Variants in NRP1 observed in about 807,000 individuals in gnomAD.
The protein encoded by NRP1 is neuropilin 1.
NRP1 carries 35 observed loss-of-function variants against 106.7 expected under a neutral mutation model. That is an observed-to-expected ratio of 0.33 (90% CI 0.25 to 0.43). The LOEUF is 0.43. Among genes scored for constraint, NRP1 ranks in the 20% least tolerant of loss-of-function variants. NRP1 has a pLI of 1.00. For synonymous variants in NRP1, 437 were observed against 417.9 expected (o/e 1.05, Z -0.56); for missense variants, 1,024 against 1,170.4 (o/e 0.87, Z 1.83).
At chr10:33,304,144 G>T (rs576969748) in intron 2 of NRP1, among the ~76,000 whole-genome samples, 146 of 152,332 alleles carry the variant, frequency 9.6e-4, no homozygotes, top group South Asian at 4.3e-3. Flanking sequence ...AGGCCAAATA[G>T]TTGAAAATAA....
intron 6 of NRP1, among the ~76,000 whole-genome samples, chr10:33,243,495 A>G (rs1230187323): frequency 2.0e-5 from 3 of 152,360 alleles, no homozygotes; most frequent in South Asian, 4.1e-4. Context: ...AGAATAAAGG[A>G]GCTTATTTAT....
At chr10:33,249,940 A>C (rs1443387956) in intron 6 of NRP1, among the ~76,000 whole-genome samples, 1 of 152,056 alleles carries the variant, frequency 6.6e-6, no homozygotes, top group Non-Finnish European at 1.5e-5. Flanking sequence ...TAGGGAAAAC[A>C]ATGGGAACCG....
At chr10:33,307,641 A>G (rs1366380167) in intron 2 of NRP1, among the ~76,000 whole-genome samples, 1 of 152,216 alleles carries the variant, frequency 6.6e-6, no homozygotes, top group Non-Finnish European at 1.5e-5. Context: ...CCACACTTCT[A>G]GAAATCTCTT....
Position 33,234,606 on chromosome 10 carries a change from G to A in NRP1, c.982-8317C>T, listed in dbSNP as rs552653539. On this transcript the variant is annotated intron_variant, in intron 6 of 16. Transcript: ENST00000374867. ...TGTCGAAAAACAAAATGGTAGCAAC[G>A]AAACATTTTGAGCAAAGGATAACAA... Among the ~76,000 whole-genome samples, 9 of 152,164 alleles carry A rather than the reference G, an allele frequency of 5.9e-5. No individual in the cohort carries two copies. The East Asian group carries it at 9.6e-4, about 16-fold the overall frequency.
At chr10:33,269,207 C>A (rs1358530215) in intron 3 of NRP1, among the ~76,000 whole-genome samples, 2 of 152,190 alleles carry the variant, frequency 1.3e-5, no homozygotes, top group Non-Finnish European at 2.9e-5. Context: ...ATTTCACACA[C>A]AAAAGGAATT....
chr10:33,309,064 A>G (rs1461505377), intron 2 of NRP1, among the ~76,000 whole-genome samples: 2 of 152,208 alleles, frequency 1.3e-5, no homozygotes, highest in Non-Finnish European at 2.9e-5. Context: ...ATAAAAATTA[A>G]ATATTTTCTA....
At chr10:33,245,840 T>G (rs1490345300) in intron 6 of NRP1, among the ~76,000 whole-genome samples, 1 of 152,226 alleles carries the variant, frequency 6.6e-6, no homozygotes, top group Non-Finnish European at 1.5e-5. Context: ...TTGTTTCAAA[T>G]AGACACTGGC....
chr10:33,284,931 G>A (rs1048138554), intron 2 of NRP1, among the ~76,000 whole-genome samples: 1 of 151,884 alleles, frequency 6.6e-6, no homozygotes, highest in Non-Finnish European at 1.5e-5. Flanking sequence ...CACAAGCACA[G>A]ATCAGAAGCA....
At chr10:33,202,718 ATC>A (rs1237190331) in intron 11 of NRP1, 171 bp downstream of exon 11, 12 of 1,553,218 alleles carry the variant, frequency 7.7e-6, no homozygotes, top group Non-Finnish European at 8.7e-6. Context: ...AGAACAACTC[ATC>A]TATCCAGATG....
chr10:33,230,597 ATGTGTGTGTGTGTGTGTG>A (rs10558085), intron 6 of NRP1, among the ~76,000 whole-genome samples: 5 of 144,694 alleles, frequency 3.5e-5, no homozygotes, highest in African/African-American at 7.6e-5. Flanking sequence ...TTTCTCATAT[ATGTGTGTGTGTGTGTGTG>A]TGTGTGTGTG....
At chr10:33,222,004 T>C (rs1839282322) in intron 7 of NRP1, 141 bp from the exon 8 acceptor site, 9 of 837,630 alleles carry the variant, frequency 1.1e-5, no homozygotes, top group Admixed American at 7.7e-5. Context: ...TAACTCGCCA[T>C]GTTAATTTTT....
chr10:33,327,387 A>G (rs1411229426), intron 2 of NRP1, among the ~76,000 whole-genome samples: 2 of 152,124 alleles, frequency 1.3e-5, no homozygotes, highest in Non-Finnish European at 1.5e-5. Context: ...TTTACTGCCA[A>G]CAGACATATA....
chr10:33,316,398 T>C (rs934487616), intron 2 of NRP1, among the ~76,000 whole-genome samples: 5 of 152,188 alleles, frequency 3.3e-5, no homozygotes, highest in Non-Finnish European at 7.3e-5. Context: ...GTCATTTGCA[T>C]AGGAAGCTGC....
intron 2 of NRP1, among the ~76,000 whole-genome samples, chr10:33,323,058 T>C (rs538002222): frequency 7.2e-5 from 11 of 152,140 alleles, no homozygotes; most frequent in African/African-American, 1.4e-4. Context: ...TGGGCACATA[T>C]TGAAGACTCA....
intron 2 of NRP1, among the ~76,000 whole-genome samples, chr10:33,325,109 G>A (rs1847795596): frequency 6.6e-6 from 1 of 152,192 alleles, no homozygotes; most frequent in African/African-American, 2.4e-5. Flanking sequence ...TTTTGTGGAT[G>A]TATCCACCTT....
At chr10:33,250,027 C>G (rs1380842663) in intron 6 of NRP1, among the ~76,000 whole-genome samples, 2 of 152,088 alleles carry the variant, frequency 1.3e-5, no homozygotes, top group African/African-American at 4.8e-5. Context: ...TATTTGTGTA[C>G]TTGTTGTTGC....
At chr10:33,207,779 C>G (rs1431253581) in intron 9 of NRP1, 63 bp from the exon 10 acceptor site, 7 of 1,570,522 alleles carry the variant, frequency 4.5e-6, no homozygotes, top group Non-Finnish European at 6.1e-6. Context: ...CTTTTAGCAA[C>G]TGTTTCTTCC....
chr10:33,212,614 GAACTGCACACTAA>G (rs941805639), intron 9 of NRP1: 3 of 152,792 alleles, frequency 2.0e-5, no homozygotes, highest in African/African-American at 7.2e-5. Context: ...TAACACTGTT[GAACTGCACACTAA>G]AAAGGTTAAG....
At chr10:33,310,855 G>T (rs1415794750) in intron 2 of NRP1, among the ~76,000 whole-genome samples, 1 of 152,124 alleles carries the variant, frequency 6.6e-6, no homozygotes, top group East Asian at 1.9e-4. Context: ...CCCCGGCTTG[G>T]GATGTGGGGA....
Sources: allele counts gnomAD v4.1 joint callset (sites outside exome capture counted in the v4.1 genomes callset), GRCh38; gene constraint gnomAD v4.1.1; transcripts MANE v1.5; gene names NCBI Gene and HGNC (gene_info 2026-07-23, HGNC 2026-07-21).